PLEKHG5: variants seen among roughly 807,000 people sequenced by gnomAD.
The protein encoded by PLEKHG5 is pleckstrin homology and RhoGEF domain containing G5.
In PLEKHG5, 52 loss-of-function variants were observed where a neutral mutation model predicts 103.8. That is an observed-to-expected ratio of 0.50 (90% CI 0.40 to 0.63). The LOEUF (loss-of-function observed/expected upper bound fraction) is 0.63. PLEKHG5 is among the 30% of genes least tolerant of loss of function. The probability of loss-of-function intolerance (pLI) is 0.00; values close to 1 mark genes in which losing one functional copy is unlikely to be tolerated. For missense variants in PLEKHG5, 1,205 were observed against 1,347.6 expected, an observed-to-expected ratio of 0.89 and a Z score of 1.66; for synonymous variants, 592 against 575.5, an observed-to-expected ratio of 1.03 and a Z score of -0.41.
intron 1 of PLEKHG5, among the ~76,000 whole-genome samples, chr1:6,481,922 C>CTT (rs112763661): frequency 7.0e-6 from 1 of 142,642 alleles, no homozygotes; most frequent in Non-Finnish European, 1.5e-5. Context: ...ATGACATTGA[C>CTT]TTTTTTTTTT....
intron 1 of PLEKHG5, among the ~76,000 whole-genome samples, chr1:6,507,532 G>C (rs1027137686): frequency 6.6e-6 from 1 of 152,236 alleles, no homozygotes; most frequent in Non-Finnish European, 1.5e-5. Flanking sequence ...AGCCAGGGCA[G>C]AGCTGGCTCT....
At chr1:6,511,357 A>G (rs535845930) in intron 1 of PLEKHG5, among the ~76,000 whole-genome samples, 2 of 152,282 alleles carry the variant, frequency 1.3e-5, no homozygotes, top group African/African-American at 4.8e-5. Flanking sequence ...ACCAACAAGG[A>G]CGGTCACTGA....
intron 20 of PLEKHG5, 89 bp downstream of exon 20, chr1:6,467,736 C>A: frequency 1.3e-6 from 2 of 1,541,226 alleles, no homozygotes; most frequent in Non-Finnish European, 1.8e-6. Flanking sequence ...TCCGCCATGA[C>A]CCTCCCCAAA....
chr1:6,490,446 TAGGAA>T lies in PLEKHG5; in HGVS notation c.-88+1186_-88+1190del. The T allele has an allele frequency of 1.0e-6, 1 of 984,652 alleles. No individual in the cohort carries two copies. Among genetic ancestry groups the T allele is most frequent in the Non-Finnish European group, 1.2e-6 (1 of 829,956 alleles). The allele number at this position is 984,652 out of a possible 1,614,324, so 61.0% of individuals were successfully genotyped here. ...AGCTCCCACTTCCCCGCGACTCACC[TAGGAA>T]CAGGACCAGGGTCTCCTCCCCGGTG... is the stretch of plus-strand genomic sequence containing the variant. On this transcript the variant is annotated intron_variant, in intron 1 of 20. Transcript: ENST00000377728. This position sits in a 1 kb window ranked among gnomAD's most constrained non-coding sequence, Gnocchi z 8.0.
intron 1 of PLEKHG5, among the ~76,000 whole-genome samples, chr1:6,518,014 G>A (rs1400042231): frequency 2.6e-5 from 4 of 151,948 alleles, no homozygotes; most frequent in Admixed American, 6.5e-5. Flanking sequence ...CTCACTGCAA[G>A]CTCCGCCTCC....
chr1:6,473,557 G>C (rs1484415229), intron 7 of PLEKHG5, 103 bp from the exon 8 acceptor site: 2 of 882,102 alleles, frequency 2.3e-6, no homozygotes, highest in Non-Finnish European at 3.4e-6. Context: ...GATGGAGGAG[G>C]GTCTCTGCAT....
At chr1:6,485,208 G>T in intron 1 of PLEKHG5, 2 of 669,886 alleles carry the variant, frequency 3.0e-6, no homozygotes, top group Non-Finnish European at 4.2e-6. Context: ...CTTCCCCTGG[G>T]GGCCGCGGGG....
chr1:6,480,091 A>C, intron 1 of PLEKHG5, among the ~76,000 whole-genome samples: 1 of 151,720 alleles, frequency 6.6e-6, no homozygotes, highest in East Asian at 1.9e-4. Flanking sequence ...TACCTTGTAG[A>C]GTCCCTTTTT....
chr1:6,489,168 G>A (rs1249805807), intron 1 of PLEKHG5, among the ~76,000 whole-genome samples: 3 of 152,178 alleles, frequency 2.0e-5, no homozygotes, highest in Non-Finnish European at 4.4e-5. Flanking sequence ...AGCTCCCCTG[G>A]GAGCCTGCTA....
chr1:6,501,318 C>T (rs1327821245), upstream of PLEKHG5, among the ~76,000 whole-genome samples: 2 of 152,212 alleles, frequency 1.3e-5, no homozygotes, highest in African/African-American at 4.8e-5. This position sits in a 1 kb window ranked among gnomAD's most constrained non-coding sequence, Gnocchi z 4.3. Flanking sequence ...CCCCCAGCAT[C>T]CTCCCATCGC....
Position 6,469,546 on chromosome 1 carries a change from G to C in PLEKHG5, c.1931C>G (p.Pro644Arg). The part of the protein sequence containing the change: ...DKIVCRELRD[P>R]GSFLLIYLNE... ...AACAGGGGACCAGGGCTCCTTACCAGGGTCCCGTAGCTCCCGGCACACAAT... is the reference window on the plus strand; with the variant it reads ...AACAGGGGACCAGGGCTCCTTACCACGGTCCCGTAGCTCCCGGCACACAAT... The change falls in exon 17 of 21, where the codon CCT (proline) becomes CGT (arginine). Residue 644 changes from proline (P) to arginine (R), a missense_variant and splice_region_variant. Coordinates refer to ENST00000377728, the MANE Select transcript of PLEKHG5 (RefSeq NM_020631.6). The C allele has an allele frequency of 6.2e-7, 1 of 1,613,840 alleles. No homozygotes were observed. The highest frequency in any genetic ancestry group is 8.5e-7 in the Non-Finnish European group (1 of 1,180,038).
chr1:6,500,699 T>C (rs917339887), upstream of PLEKHG5, among the ~76,000 whole-genome samples: 374 of 132,784 alleles, frequency 2.8e-3, 2 homozygotes, highest in Non-Finnish European at 3.6e-3. Flanking sequence ...ACTACCCCCC[T>C]TGAGGCAGAC....
chr1:6,514,959 C>G (rs369250658), intron 1 of PLEKHG5, among the ~76,000 whole-genome samples: 3 of 152,054 alleles, frequency 2.0e-5, no homozygotes, highest in South Asian at 4.2e-4. Context: ...GAGGCTGAGA[C>G]AGGGGAACTG....
rs1263848833 is a variant in PLEKHG5 at position 6,468,675 on chromosome 1, C to T, written c.2250-89G>A. On this transcript the variant is annotated intron_variant, in intron 19 of 20. Coordinates refer to ENST00000377728, the MANE Select transcript of PLEKHG5 (RefSeq NM_020631.6). ...GCTGGGCAATGCACGGTGGTTTATA[C>T]CCTCTGCCCTCCTGGGGCTGGAGGC... The T allele has an allele frequency of 1.6e-5, 22 of 1,396,226 alleles. No homozygotes were observed. The Admixed American group carries it at 3.8e-4, about 24-fold the overall frequency. 86.5% of individuals were successfully genotyped at this position (1,396,226 alleles called of 1,614,324 possible). A position where few individuals can be genotyped will look rare whatever the true frequency, so the allele number is the denominator to read the frequency against.
chr1:6,515,263 C>T lies in PLEKHG5; in HGVS notation c.-165+4182G>A, dbSNP rs564925315. Among the ~76,000 whole-genome samples, 4 of 151,846 alleles carry T rather than the reference C, an allele frequency of 2.6e-5. No homozygotes were observed. The South Asian group carries it at 6.2e-4, about 24-fold the overall frequency. ...CTGGATGAGGCCGGGTGTGGTGGCT[C>T]ACGCCTGTAATCCCAGCACTTTGGG... On this transcript the variant is annotated intron_variant, in intron 1 of 21. Transcript: ENST00000377740.
At chr1:6,497,347 G>T, upstream of PLEKHG5, 1 of 1,043,408 alleles carries the variant, frequency 9.6e-7, no homozygotes, top group Admixed American at 4.5e-5. The surrounding 1 kb of genome is among the most constrained non-coding windows in gnomAD (Gnocchi z 6.1). Flanking sequence ...TGCCGCGCGG[G>T]GGGCGGGCGG....
At chr1:6,510,864 G>A (rs1215161786) in intron 1 of PLEKHG5, among the ~76,000 whole-genome samples, 1 of 152,030 alleles carries the variant, frequency 6.6e-6, no homozygotes, top group Non-Finnish European at 1.5e-5. Flanking sequence ...AGGCGGGTGG[G>A]GATCACTTTA....
upstream of PLEKHG5, chr1:6,497,341 G>T: frequency 1.9e-6 from 2 of 1,030,080 alleles, no homozygotes; most frequent in Non-Finnish European, 1.2e-6. This position sits in a 1 kb window ranked among gnomAD's most constrained non-coding sequence, Gnocchi z 6.1. Context: ...GCCCCGTGCC[G>T]CGCGGGGGGC....
Position 6,474,181 on chromosome 1 carries a change from C to G in PLEKHG5, c.440-17G>C, listed in dbSNP as rs200894921. 4.3e-6 allele frequency: 7 copies of G among 1,612,802 alleles called. No individual in the cohort carries two copies. In the Admixed American group the frequency reaches 5.0e-5, roughly 12 times the overall value. On this transcript the variant is annotated splice_polypyrimidine_tract_variant and intron_variant, in intron 6 of 20. Transcript: ENST00000377728. ...TGGCTGGGGCTGCATGTGGGGGCCACGAGAGATCCTCAGTACCCTGGTCTG... is the reference window on the plus strand; with the variant it reads ...TGGCTGGGGCTGCATGTGGGGGCCAGGAGAGATCCTCAGTACCCTGGTCTG...
Sources: allele counts gnomAD v4.1 joint callset (sites outside exome capture counted in the v4.1 genomes callset), GRCh38; gene constraint gnomAD v4.1.1; non-coding constraint Gnocchi (gnomAD v3.1); transcripts MANE v1.5; gene names NCBI Gene and HGNC (gene_info 2026-07-23, HGNC 2026-07-21).